Variants in CIBAR1 observed in about 807,000 individuals in gnomAD.
CIBAR1 encodes CBY1-interacting BAR domain-containing protein 1.
In CIBAR1, 25 loss-of-function variants were observed where a neutral mutation model predicts 44.0. The observed-to-expected ratio is 0.57, with a 90% CI of 0.41 to 0.79. The LOEUF (loss-of-function observed/expected upper bound fraction) is 0.79, where lower values mean the gene tolerates loss of function less well. Among genes scored for constraint, CIBAR1 ranks in the 30% least tolerant of loss-of-function variants. The pLI, the probability that CIBAR1 is intolerant of heterozygous loss-of-function variation, is 0.00. For synonymous variants in CIBAR1, 115 were observed against 119.0 expected (o/e 0.97, Z 0.22); for missense variants, 278 against 344.8 (o/e 0.81, Z 1.53).
At chr8:93,712,055 A>G (rs1376168284) in intron 6 of CIBAR1, among the ~76,000 whole-genome samples, 1 of 152,206 alleles carries the variant, frequency 6.6e-6, no homozygotes, top group Non-Finnish European at 1.5e-5. Context: ...TCTCTTGGTC[A>G]CAGAAGAAAA....
chr8:93,723,663 G>T (rs1342365516), intron 7 of CIBAR1, among the ~76,000 whole-genome samples: 1 of 152,026 alleles, frequency 6.6e-6, no homozygotes, highest in African/African-American at 2.4e-5. Flanking sequence ...ATAAAACAGG[G>T]CTCCGTTGGT....
intron 2 of CIBAR1, among the ~76,000 whole-genome samples, chr8:93,702,735 ACATTT>A (rs1482017882): frequency 7.2e-5 from 11 of 152,190 alleles, no homozygotes; most frequent in African/African-American, 2.7e-4. Flanking sequence ...ACATTCATAT[ACATTT>A]CATTTACAGA....
rs138703438 is a variant in CIBAR1 at position 93,706,206 on chromosome 8, C to T, written c.432+1196C>T. 3.9e-5 allele frequency: 6 copies of T among 152,292 alleles called. No individual in the cohort carries two copies. The East Asian group carries it at 9.7e-4, about 25-fold the overall frequency. 9.4% of individuals were successfully genotyped at this position (152,292 alleles called of 1,614,324 possible). A position where few individuals can be genotyped will look rare whatever the true frequency, so the allele number is the denominator to read the frequency against. ...TTCCTTTGGACCAAAGGTACAGAAG[C>T]CCAACTTTGTACTAAACAAAAATGG... On this transcript the variant is annotated intron_variant, in intron 4 of 8. Coordinates refer to ENST00000518322, the MANE Select transcript of CIBAR1 (RefSeq NM_145269.5).
rs568511858 is a variant in CIBAR1 at position 93,710,125 on chromosome 8, A to T, written c.543+250A>T. ...CATGGAAAAACCCCATCTCTACAAA[A>T]AACTAGCCAGGTGTGGTGGCACATG... On this transcript the variant is annotated intron_variant, in intron 6 of 8. Coordinates refer to ENST00000518322, the MANE Select transcript of CIBAR1 (RefSeq NM_145269.5). Among the ~76,000 whole-genome samples, 6 of 151,952 alleles carry T rather than the reference A, an allele frequency of 3.9e-5. No homozygotes were observed. In the South Asian group the frequency reaches 1.3e-3, roughly 32 times the overall value.
intron 7 of CIBAR1, chr8:93,719,560 AT>A (rs948222714): frequency 1.3e-5 from 2 of 152,180 alleles, no homozygotes; most frequent in African/African-American, 4.8e-5. Flanking sequence ...TAAATAACTT[AT>A]TTGTGGCCAC....
In CIBAR1 at chr8:93,731,382, A is replaced by T. The variant is rs1365041540; in HGVS notation, c.*3085A>T. ...TGAACCATCTATACAATCTTTGCTC[A>T]ATTAAAAATATCATTTCTACTTTCT... On this transcript the variant is annotated 3_prime_UTR_variant, in exon 9 of 9. Coordinates refer to ENST00000518322, the MANE Select transcript of CIBAR1 (RefSeq NM_145269.5). 1 of 152,214 alleles carries T rather than the reference A, an allele frequency of 6.6e-6. No individual in the cohort carries two copies. Among genetic ancestry groups the T allele is most frequent in the Non-Finnish European group, 1.5e-5 (1 of 68,044 alleles). The allele number at this position is 152,214 out of a possible 1,614,324, so 9.4% of individuals were successfully genotyped here.
At position 93,729,332 on chromosome 8, in the gene CIBAR1, T is replaced by G. The variant is rs1200989250; in HGVS notation, c.*1035T>G. The G allele has an allele frequency of 6.6e-6, 1 of 152,178 alleles. No individual in the cohort carries two copies. The highest frequency in any genetic ancestry group is 2.4e-5 in the African/African-American group (1 of 41,462). 9.4% of individuals were successfully genotyped at this position (152,178 alleles called of 1,614,324 possible). A position where few individuals can be genotyped will look rare whatever the true frequency, so the allele number is the denominator to read the frequency against. On this transcript the variant is annotated 3_prime_UTR_variant, in exon 9 of 9. Transcript: ENST00000518322. ...CTAAGTGACAAAGTTGTTTCAGTAC[T>G]TTTTTGTAAAATATTTAAAACATTT...
intron 4 of CIBAR1, among the ~76,000 whole-genome samples, chr8:93,707,014 A>G (rs1212595190): frequency 6.6e-6 from 1 of 152,206 alleles, no homozygotes; most frequent in East Asian, 1.9e-4. Context: ...CCCCCCAAGT[A>G]GGGCTCCAGG....
intron 6 of CIBAR1, 73 bp from the exon 7 acceptor site, chr8:93,718,602 T>C (rs1811122592): frequency 1.3e-6 from 1 of 787,750 alleles, no homozygotes; most frequent in South Asian, 2.1e-5. Context: ...AAGACTATAG[T>C]GAGGAATAAA....
chr8:93,704,039 A>G (rs6471394), intron 3 of CIBAR1, among the ~76,000 whole-genome samples: 149,079 of 151,238 alleles, frequency 0.99, 73,593 homozygotes, highest in Middle Eastern at 1. Flanking sequence ...ACTCCAGCAC[A>G]GGCGACAGTG....
intron 1 of CIBAR1, chr8:93,700,886 C>T (rs2130261188): frequency 7.6e-7 from 1 of 1,309,462 alleles, no homozygotes; most frequent in Non-Finnish European, 9.6e-7. Context: ...GCCACCCACC[C>T]ACGCCACCGG....
Position 93,701,471 on chromosome 8 carries a change from A to G in CIBAR1, c.261+13A>G. On this transcript the variant is annotated intron_variant, in intron 2 of 8. Transcript: ENST00000518322. ...TCGACAAGCAGAGGTATGGAGTGAG[A>G]TCACAGTGTCATTGTTATGAATGAG... 1.2e-6 allele frequency: 2 copies of G among 1,605,780 alleles called. No individual in the cohort carries two copies. Among genetic ancestry groups the G allele is most frequent in the Non-Finnish European group, 1.7e-6 (2 of 1,174,470 alleles).
rs1244040013 is a variant in CIBAR1 at position 93,700,600 on chromosome 8, T to TCC, written c.-45_-44dup. ...CAGCGCGCGCCCAGGCGCCTTGGAATCCCCGTCCTTGGGCCCCCGCAAGGT... is the reference window on the plus strand; with the variant it reads ...CAGCGCGCGCCCAGGCGCCTTGGAATCCCCCCGTCCTTGGGCCCCCGCAAGGT... On this transcript the variant is annotated 5_prime_UTR_variant, in exon 1 of 9. Transcript: ENST00000518322. 14 of 1,464,846 alleles carry TCC rather than the reference T, an allele frequency of 9.6e-6. No individual in the cohort carries two copies. The highest frequency in any genetic ancestry group is 4.4e-5 in the African/African-American group (3 of 67,774). 90.7% of individuals were successfully genotyped at this position (1,464,846 alleles called of 1,614,324 possible).
intron 7 of CIBAR1, among the ~76,000 whole-genome samples, chr8:93,725,171 T>C (rs74714137): frequency 1.8e-3 from 270 of 152,154 alleles, no homozygotes; most frequent in African/African-American, 6.3e-3. Flanking sequence ...TTTGGAGAGA[T>C]AGGGTTTCGC....
intron 3 of CIBAR1, among the ~76,000 whole-genome samples, chr8:93,703,965 G>A (rs567390540): frequency 1.3e-5 from 2 of 151,780 alleles, no homozygotes; most frequent in Non-Finnish European, 2.9e-5. Flanking sequence ...TCAGGAGGCC[G>A]AGGCAAGAAA....
chr8:93,724,709 A>G, intron 7 of CIBAR1: 1 of 1,101,820 alleles, frequency 9.1e-7, no homozygotes, highest in Non-Finnish European at 1.1e-6. Context: ...AGTAGCCATT[A>G]GGCATATATA....
chr8:93,728,064 T>C (rs1422925647), intron 8 of CIBAR1, 141 bp from the exon 9 acceptor site: 1 of 475,634 alleles, frequency 2.1e-6, no homozygotes, highest in Non-Finnish European at 3.7e-6. Flanking sequence ...TCATAGGGAA[T>C]TTTCACTACT....
At chr8:93,702,482 G>A (rs2130274395) in intron 2 of CIBAR1, 1 of 454,248 alleles carries the variant, frequency 2.2e-6, no homozygotes, top group Non-Finnish European at 4.4e-6. Context: ...ATTTGCATTT[G>A]TTCTCCTTTT....
At chr8:93,706,166 G>C (rs577588988) in intron 4 of CIBAR1, 1 of 152,258 alleles carries the variant, frequency 6.6e-6, no homozygotes, top group African/African-American at 2.4e-5. Context: ...GGCTGCGCCA[G>C]TTGCTTGGTC....
Sources: allele counts gnomAD v4.1 joint callset (sites outside exome capture counted in the v4.1 genomes callset), GRCh38; gene constraint gnomAD v4.1.1; transcripts MANE v1.5; gene names NCBI Gene and HGNC (gene_info 2026-07-23, HGNC 2026-07-21).